The following SLC44A5 variants were observed in gnomAD, a reference collection of about 807,000 sequenced individuals.
The protein encoded by SLC44A5 is choline transporter-like protein 5.
Under a neutral mutation model 101.8 loss-of-function variants are expected in SLC44A5, and 57 were observed. That is an observed-to-expected ratio of 0.56 (90% confidence interval 0.45 to 0.70). The LOEUF (loss-of-function observed/expected upper bound fraction) is 0.70, where lower values mean the gene tolerates loss of function less well. SLC44A5 is among the 30% of genes least tolerant of loss of function. The pLI is 0.00. For missense variants in SLC44A5, 737 were observed against 853.1 expected (o/e 0.86, Z 1.70); for synonymous variants, 281 against 290.9 (o/e 0.97, Z 0.35).
the SLC44A5 span, among the ~76,000 whole-genome samples, chr1:75,707,942 G>A: frequency 6.6e-6 from 1 of 152,084 alleles, no homozygotes; most frequent in African/African-American, 2.4e-5. Flanking sequence ...GGAAGAAATT[G>A]CTATTGATTA....
chr1:75,208,808 T>G (rs1300114022), intron 23 of SLC44A5, among the ~76,000 whole-genome samples: 2 of 152,152 alleles, frequency 1.3e-5, no homozygotes, highest in Non-Finnish European at 2.9e-5. Flanking sequence ...ACAACTATTA[T>G]TTTTTTCCCA....
chr1:75,547,463 A>C (rs1450172579), intron 1 of SLC44A5, among the ~76,000 whole-genome samples: 1 of 152,204 alleles, frequency 6.6e-6, no homozygotes, highest in East Asian at 1.9e-4. Context: ...GATGAAACTT[A>C]GCTGTGATTC....
intron 3 of SLC44A5, among the ~76,000 whole-genome samples, chr1:75,358,528 A>G (rs999556829): frequency 2.7e-4 from 41 of 152,308 alleles, no homozygotes; most frequent in Middle Eastern, 3.4e-3. Flanking sequence ...AACTACTACA[A>G]TCATACTAAT....
chr1:75,623,670 C>T, the SLC44A5 span, among the ~76,000 whole-genome samples: 1 of 151,954 alleles, frequency 6.6e-6, no homozygotes, highest in Admixed American at 6.6e-5. Context: ...ACCAATGTGG[C>T]TGAAGCTTAG....
the SLC44A5 span, among the ~76,000 whole-genome samples, chr1:75,669,999 A>C: frequency 6.6e-6 from 1 of 152,250 alleles, no homozygotes; most frequent in Admixed American, 6.5e-5. Context: ...GAAGGATAGC[A>C]CTTACTATAC....
the SLC44A5 span, among the ~76,000 whole-genome samples, chr1:75,662,817 A>G: frequency 2.0e-5 from 3 of 152,098 alleles, no homozygotes; most frequent in Admixed American, 6.5e-5. Context: ...TACTTATTAT[A>G]TGGCCCTTCA....
At chr1:75,679,974 T>TA in the SLC44A5 span, among the ~76,000 whole-genome samples, 1 of 152,180 alleles carries the variant, frequency 6.6e-6, no homozygotes, top group African/African-American at 2.4e-5. Flanking sequence ...TAGTCTCTGA[T>TA]AAAAAAGACT....
At chr1:75,321,371 G>C (rs1656128644) in intron 4 of SLC44A5, among the ~76,000 whole-genome samples, 1 of 152,048 alleles carries the variant, frequency 6.6e-6, no homozygotes, top group African/African-American at 2.4e-5. Context: ...AAAGATCAAG[G>C]TGCCAGCCAA....
At chr1:75,440,504 G>A (rs901912616) in intron 2 of SLC44A5, among the ~76,000 whole-genome samples, 1 of 152,070 alleles carries the variant, frequency 6.6e-6, no homozygotes, top group South Asian at 2.1e-4. Flanking sequence ...CTAGGGTAAA[G>A]GATACCACTG....
At chr1:75,300,231 A>T (rs943073399) in intron 5 of SLC44A5, among the ~76,000 whole-genome samples, 3 of 152,050 alleles carry the variant, frequency 2.0e-5, no homozygotes, top group African/African-American at 7.2e-5. Flanking sequence ...TGCTTATAAA[A>T]AGAAAAGTTT....
At chr1:75,599,802 CATT>C (rs1273255729) in intron 1 of SLC44A5, among the ~76,000 whole-genome samples, 1 of 152,078 alleles carries the variant, frequency 6.6e-6, no homozygotes, top group Non-Finnish European at 1.5e-5. Context: ...GTGGTCGGAT[CATT>C]AAGAATTAGG....
chr1:75,681,261 G>A, the SLC44A5 span, among the ~76,000 whole-genome samples: 4 of 152,118 alleles, frequency 2.6e-5, no homozygotes, highest in African/African-American at 9.7e-5. Context: ...AGTTTATGAG[G>A]CCAGCATCAT....
intron 1 of SLC44A5, among the ~76,000 whole-genome samples, chr1:75,592,625 T>C (rs1674415652): frequency 2.0e-5 from 3 of 152,120 alleles, no homozygotes; most frequent in Non-Finnish European, 4.4e-5. Flanking sequence ...TAAAACAGCA[T>C]GATACTGGCA....
chr1:75,275,139 C>T (rs1448962918), intron 5 of SLC44A5, 97 bp from the exon 6 acceptor site: 2 of 772,092 alleles, frequency 2.6e-6, no homozygotes, highest in Non-Finnish European at 4.4e-6. Context: ...ACACACTAAC[C>T]TCTCCCCTCA....
intron 3 of SLC44A5, among the ~76,000 whole-genome samples, chr1:75,390,027 C>T (rs1661678343): frequency 1.3e-5 from 2 of 152,034 alleles, no homozygotes; most frequent in South Asian, 4.1e-4. Context: ...TCCTCAGAGA[C>T]AACTATGAAT....
intron 2 of SLC44A5, among the ~76,000 whole-genome samples, chr1:75,529,523 C>T (rs1670606038): frequency 6.6e-6 from 1 of 152,150 alleles, no homozygotes; most frequent in Non-Finnish European, 1.5e-5. Flanking sequence ...CCATCTCCCA[C>T]AATTTTTAGC....
intron 2 of SLC44A5, among the ~76,000 whole-genome samples, chr1:75,417,507 T>A (rs1319147047): frequency 6.6e-6 from 1 of 152,204 alleles, no homozygotes; most frequent in Non-Finnish European, 1.5e-5. Flanking sequence ...ATGTTTATGT[T>A]TATGGACTAA....
chr1:75,464,564 T>G (rs1570357920), intron 2 of SLC44A5, among the ~76,000 whole-genome samples: 1 of 152,096 alleles, frequency 6.6e-6, no homozygotes, highest in East Asian at 1.9e-4. Flanking sequence ...ATAATAACGT[T>G]GAATGTAAAT....
intron 3 of SLC44A5, among the ~76,000 whole-genome samples, chr1:75,343,299 A>G (rs1026303171): frequency 2.0e-5 from 3 of 152,208 alleles, no homozygotes; most frequent in Admixed American, 2.0e-4. Context: ...TGTGGTGGTT[A>G]ACAGTTGGTA....
Sources: gnomAD v4.1 joint callset for allele counts (sites outside exome capture counted in the v4.1 genomes callset) on GRCh38, gnomAD v4.1.1 for gene constraint, MANE v1.5 for transcripts, NCBI Gene and HGNC (gene_info 2026-07-23, HGNC 2026-07-21) for gene names.